MCPH1: variants seen among roughly 807,000 people sequenced by gnomAD.
The protein encoded by MCPH1 is microcephalin.
A neutral mutation model predicts 84.5 loss-of-function variants in MCPH1; 104 were observed. The ratio of observed to expected loss-of-function variants is 1.23; its 90% CI spans 1.05 to 1.45. MCPH1 has a LOEUF of 1.45. MCPH1 is among the 40% of genes most tolerant of loss of function. The pLI, the probability that MCPH1 is intolerant of heterozygous loss-of-function variation, is 0.00. For synonymous variants in MCPH1, 514 were observed against 366.8 expected, an observed-to-expected ratio of 1.40 and a Z score of -4.58; for missense variants, 1,498 against 1,005.7, an observed-to-expected ratio of 1.49 and a Z score of -6.62.
At chr8:6,456,257 G>A (rs1805664157) in intron 9 of MCPH1, among the ~76,000 whole-genome samples, 1 of 152,138 alleles carries the variant, frequency 6.6e-6, no homozygotes, top group South Asian at 2.1e-4. Flanking sequence ...ACATGTTTGT[G>A]GCGTGGGCAA....
chr8:6,458,370 G>A (rs1445680972), intron 9 of MCPH1, among the ~76,000 whole-genome samples: 1 of 151,596 alleles, frequency 6.6e-6, no homozygotes. Flanking sequence ...TCCTCGGAAG[G>A]CTGAGGCAGG....
intron 12 of MCPH1, among the ~76,000 whole-genome samples, chr8:6,537,406 G>A (rs1337221394): frequency 1.3e-5 from 2 of 151,944 alleles, no homozygotes; most frequent in African/African-American, 2.4e-5. Flanking sequence ...AACATTGAGG[G>A]CCACAGTGAT....
At chr8:6,464,804 C>G (rs894767061) in intron 9 of MCPH1, among the ~76,000 whole-genome samples, 2 of 152,174 alleles carry the variant, frequency 1.3e-5, no homozygotes, top group Admixed American at 6.5e-5. Context: ...TTGAGACCAG[C>G]CTGGCCAACA....
intron 12 of MCPH1, among the ~76,000 whole-genome samples, chr8:6,546,071 A>T (rs941041945): frequency 2.0e-5 from 3 of 152,240 alleles, no homozygotes; most frequent in Admixed American, 2.0e-4. Context: ...GTTCCTTAGG[A>T]ACTACTGGCT....
chr8:6,497,460 C>A (rs1371983588), intron 11 of MCPH1, among the ~76,000 whole-genome samples: 1 of 152,102 alleles, frequency 6.6e-6, no homozygotes, highest in Non-Finnish European at 1.5e-5. Context: ...CAAGATTACA[C>A]CACTGTACTC....
chr8:6,626,449 G>A, intron 13 of MCPH1: 1 of 982,234 alleles, frequency 1.0e-6, no homozygotes, highest in Non-Finnish European at 1.2e-6. Flanking sequence ...GGAGAAATGG[G>A]GTTGTTGTTT....
intron 12 of MCPH1, among the ~76,000 whole-genome samples, chr8:6,530,567 C>CTAG (rs1554436204): frequency 6.7e-6 from 1 of 148,378 alleles, no homozygotes; most frequent in Non-Finnish European, 1.5e-5. Context: ...TTGGTCCAAC[C>CTAG]TAATAATTCG....
intron 12 of MCPH1, among the ~76,000 whole-genome samples, chr8:6,545,219 C>A (rs1822355537): frequency 6.6e-6 from 1 of 152,072 alleles, no homozygotes; most frequent in Non-Finnish European, 1.5e-5. Flanking sequence ...CACGAGGGAG[C>A]CTTCTGGAGT....
intron 12 of MCPH1, among the ~76,000 whole-genome samples, chr8:6,504,364 C>A (rs116365020): frequency 6.6e-6 from 1 of 151,540 alleles, no homozygotes; most frequent in Non-Finnish European, 1.5e-5. Context: ...AATTGCATGC[C>A]GTTCTGAGTA....
At chr8:6,487,075 T>C (rs1810025207) in intron 11 of MCPH1, among the ~76,000 whole-genome samples, 1 of 152,220 alleles carries the variant, frequency 6.6e-6, no homozygotes. Flanking sequence ...CAGCCTGTAT[T>C]CAGATTTTAA....
intron 12 of MCPH1, chr8:6,521,241 T>C: frequency 1.2e-6 from 2 of 1,613,966 alleles, no homozygotes; most frequent in South Asian, 2.2e-5. Flanking sequence ...TGTTGCTGCT[T>C]CTGAAGAACT....
intron 12 of MCPH1, chr8:6,520,122 T>G: frequency 1.0e-6 from 1 of 985,656 alleles, no homozygotes; most frequent in Non-Finnish European, 1.4e-6. Flanking sequence ...CTGTACCACT[T>G]TTTTAACCTT....
chr8:6,635,186 A>G lies in MCPH1; in HGVS notation c.2453-7808A>G, dbSNP rs1168286230. On this transcript the variant is annotated intron_variant, in intron 13 of 13. Transcript: ENST00000344683. ...AGTACACATTAATGTCATTTTTAAC[A>G]TTGATAATGAGGCTCCGGTTGTTCA... 2.6e-5 allele frequency: 4 copies of G among 152,236 alleles called. No homozygotes were observed. In the East Asian group the frequency reaches 7.7e-4, roughly 29 times the overall value. The allele number at this position is 152,236 out of a possible 1,614,324, so 9.4% of individuals were successfully genotyped here.
At position 6,458,053 on chromosome 8, in the gene MCPH1, C is replaced by G. The variant is rs76269042; in HGVS notation, c.1935+2801C>G. Among the ~76,000 whole-genome samples, 715 of 152,302 alleles carry G rather than the reference C, an allele frequency of 4.7e-3. 6 individuals are homozygous for G. The highest frequency in any genetic ancestry group is 0.016 in the African/African-American group (650 of 41,572). On this transcript the variant is annotated intron_variant, in intron 9 of 13. Coordinates refer to ENST00000344683, the MANE Select transcript of MCPH1 (RefSeq NM_024596.5). ...AATGCAAAGCAGAGTTTGGAAACTA[C>G]AGCCTTGGGACTTTTAGAATTTAAA...
At chr8:6,598,779 C>G (rs1280653749) in intron 12 of MCPH1, among the ~76,000 whole-genome samples, 1 of 152,212 alleles carries the variant, frequency 6.6e-6, no homozygotes, top group African/African-American at 2.4e-5. Flanking sequence ...CCCTGCCACC[C>G]GAAAGGCGCC....
At chr8:6,608,991 C>A (rs77739867) in intron 12 of MCPH1, among the ~76,000 whole-genome samples, 1 of 152,158 alleles carries the variant, frequency 6.6e-6, no homozygotes, top group Non-Finnish European at 1.5e-5. Context: ...GCATGAAGAC[C>A]CACAGAATAC....
chr8:6,622,023 TC>T (rs1831482222), intron 13 of MCPH1: 1 of 399,344 alleles, frequency 2.5e-6, no homozygotes, highest in Admixed American at 3.1e-5. Context: ...TCTTAGACCC[TC>T]CCTCCCCAGT....
intron 12 of MCPH1, among the ~76,000 whole-genome samples, chr8:6,584,464 A>C (rs2129577242): frequency 6.6e-6 from 1 of 152,304 alleles, no homozygotes; most frequent in South Asian, 2.1e-4. Context: ...TTTTTTTGTT[A>C]TTTTAATCTC....
At chr8:6,624,995 C>A (rs1485681661) in intron 13 of MCPH1, 6 of 544,814 alleles carry the variant, frequency 1.1e-5, no homozygotes, top group East Asian at 1.5e-4. Context: ...TCTGCCTCAG[C>A]CTTCCCAGTA....
Sources: gnomAD v4.1 joint callset for allele counts (sites outside exome capture counted in the v4.1 genomes callset) on GRCh38, gnomAD v4.1.1 for gene constraint, MANE v1.5 for transcripts, NCBI Gene and HGNC (gene_info 2026-07-23, HGNC 2026-07-21) for gene names.